CENPW: variants seen among roughly 807,000 people sequenced by gnomAD.
CENPW encodes centromere protein W.
Under a neutral mutation model 11.1 loss-of-function variants are expected in CENPW, and 3 were observed. That is an observed-to-expected ratio of 0.27 (90% CI 0.12 to 0.70). The LOEUF is 0.70. CENPW is among the 30% of genes least tolerant of loss of function. The pLI, the probability that CENPW is intolerant of heterozygous loss-of-function variation, is 0.77. For synonymous variants in CENPW, 38 were observed against 42.0 expected, an observed-to-expected ratio of 0.91 and a Z score of 0.37; for missense variants, 100 against 105.6, an observed-to-expected ratio of 0.95 and a Z score of 0.23.
At chr6:126,437,590 A>G in the CENPW span, among the ~76,000 whole-genome samples, 1 of 151,960 alleles carries the variant, frequency 6.6e-6, no homozygotes, top group African/African-American at 2.4e-5. Context: ...ATAAGTTTAT[A>G]TACTTACTGA....
At chr6:126,353,850 T>C (rs116261321), downstream of CENPW, among the ~76,000 whole-genome samples, 545 of 152,252 alleles carry the variant, frequency 3.6e-3, 6 homozygotes, top group African/African-American at 0.012. Context: ...TTCTCATCTG[T>C]TTCATCTGCT....
At chr6:126,426,416 G>C in the CENPW span, among the ~76,000 whole-genome samples, 1 of 152,064 alleles carries the variant, frequency 6.6e-6, no homozygotes. Flanking sequence ...AGATTCCTAA[G>C]AATCTTCACT....
the CENPW span, among the ~76,000 whole-genome samples, chr6:126,397,800 C>CT: frequency 7.9e-5 from 12 of 152,276 alleles, no homozygotes; most frequent in African/African-American, 2.9e-4. Context: ...TAACTCTAAA[C>CT]TTTAGCTACA....
At chr6:126,435,082 G>A in the CENPW span, among the ~76,000 whole-genome samples, 1 of 151,898 alleles carries the variant, frequency 6.6e-6, no homozygotes, top group African/African-American at 2.4e-5. Context: ...ATCTTGTCAT[G>A]ATGTAGAACA....
At chr6:126,468,199 T>C in the CENPW span, among the ~76,000 whole-genome samples, 1 of 151,856 alleles carries the variant, frequency 6.6e-6, no homozygotes, top group South Asian at 2.1e-4. Context: ...GGGGGGCAGA[T>C]CACCTGAGGT....
At chr6:126,346,163 G>A (rs755081275) in intron 1 of CENPW, 42 bp from the exon 2 acceptor site, 2 of 1,100,230 alleles carry the variant, frequency 1.8e-6, no homozygotes, top group African/African-American at 1.5e-5. Flanking sequence ...CAATGCATCA[G>A]TATTTGAGCT....
At chr6:126,361,082 G>A in the CENPW span, among the ~76,000 whole-genome samples, 2 of 152,202 alleles carry the variant, frequency 1.3e-5, no homozygotes, top group East Asian at 1.9e-4. Context: ...AATATAGTAA[G>A]TTGGGTTCAT....
chr6:126,408,239 A>G, the CENPW span, among the ~76,000 whole-genome samples: 1 of 152,188 alleles, frequency 6.6e-6, no homozygotes, highest in African/African-American at 2.4e-5. Flanking sequence ...TAAAGAAAAC[A>G]TACTCAAGAC....
chr6:126,445,170 T>C, the CENPW span, among the ~76,000 whole-genome samples: 2 of 151,146 alleles, frequency 1.3e-5, no homozygotes, highest in Non-Finnish European at 3.0e-5. Flanking sequence ...AGGGTAAATA[T>C]CTGTTAGAAA....
the CENPW span, among the ~76,000 whole-genome samples, chr6:126,449,532 G>T: frequency 6.6e-6 from 1 of 151,050 alleles, no homozygotes; most frequent in Non-Finnish European, 1.5e-5. Context: ...ACAACTCAGA[G>T]CTCAAATCTT....
At chr6:126,461,283 C>A in the CENPW span, among the ~76,000 whole-genome samples, 30 of 151,976 alleles carry the variant, frequency 2.0e-4, no homozygotes, top group African/African-American at 7.2e-4. Context: ...CTTCTCTTGT[C>A]TGGCCTCCCT....
At chr6:126,351,510 AAG>A (rs1780490719), downstream of CENPW, among the ~76,000 whole-genome samples, 2 of 152,224 alleles carry the variant, frequency 1.3e-5, no homozygotes, top group African/African-American at 4.8e-5. Flanking sequence ...TTAGAAAAGA[AAG>A]AGAATCTAGA....
chr6:126,393,917 A>C, the CENPW span, among the ~76,000 whole-genome samples: 1 of 151,698 alleles, frequency 6.6e-6, no homozygotes, highest in Non-Finnish European at 1.5e-5. Context: ...TTTCATCTTG[A>C]AATCCATTTT....
downstream of CENPW, among the ~76,000 whole-genome samples, chr6:126,350,257 A>G (rs924652640): frequency 2.2e-4 from 33 of 152,260 alleles, no homozygotes; most frequent in African/African-American, 7.9e-4. Context: ...TGGTATAATG[A>G]AATACCATGC....
the CENPW span, among the ~76,000 whole-genome samples, chr6:126,438,589 TA>T: frequency 4.6e-5 from 7 of 151,278 alleles, no homozygotes; most frequent in Non-Finnish European, 4.4e-5. Context: ...AAGGAGAAAA[TA>T]AAAAATTGCC....
chr6:126,422,012 AC>A, the CENPW span, among the ~76,000 whole-genome samples: 1 of 152,142 alleles, frequency 6.6e-6, no homozygotes, highest in Non-Finnish European at 1.5e-5. Flanking sequence ...AAGGGACAGT[AC>A]CTATATTTGA....
chr6:126,466,316 G>A, the CENPW span, among the ~76,000 whole-genome samples: 1 of 152,078 alleles, frequency 6.6e-6, no homozygotes, highest in African/African-American at 2.4e-5. Flanking sequence ...CTATAAAACT[G>A]AAGGCAAAGG....
chr6:126,416,160 G>T, the CENPW span, among the ~76,000 whole-genome samples: 1 of 152,186 alleles, frequency 6.6e-6, no homozygotes, highest in African/African-American at 2.4e-5. Flanking sequence ...GAACAAAGGT[G>T]ATGACTCTTC....
chr6:126,347,825 A>C (rs1437041575), intron 2 of CENPW, among the ~76,000 whole-genome samples: 1 of 151,988 alleles, frequency 6.6e-6, no homozygotes, highest in African/African-American at 2.4e-5. Context: ...TTTTTTTAAA[A>C]AAAGAGATAT....
Sources: allele counts gnomAD v4.1 joint callset (sites outside exome capture counted in the v4.1 genomes callset), GRCh38; gene constraint gnomAD v4.1.1; transcripts MANE v1.5; gene names NCBI Gene and HGNC (gene_info 2026-07-23, HGNC 2026-07-21).